Variants in SEL1L3 observed in about 807,000 individuals in gnomAD.
SEL1L3 encodes the protein protein sel-1 homolog 3.
Under a neutral mutation model 142.8 loss-of-function variants are expected in SEL1L3, and 76 were observed. That is an observed-to-expected ratio of 0.53 (90% CI 0.44 to 0.64). SEL1L3 has a LOEUF of 0.64. Among genes scored for constraint, SEL1L3 ranks in the 30% least tolerant of loss-of-function variants. The pLI, the probability that SEL1L3 is intolerant of heterozygous loss-of-function variation, is 0.00. For missense variants in SEL1L3, 1,262 were observed against 1,381.7 expected (o/e 0.91, Z 1.37); for synonymous variants, 504 against 519.6 (o/e 0.97, Z 0.41).
intron 1 of SEL1L3, among the ~76,000 whole-genome samples, chr4:25,850,857 G>GTT (rs530598915): frequency 2.1e-5 from 3 of 146,120 alleles, no homozygotes; most frequent in African/African-American, 2.5e-5. Flanking sequence ...TTGTTTGTTT[G>GTT]TTTTTTTTTT....
chr4:25,826,036 C>T (rs1488281718), intron 6 of SEL1L3, among the ~76,000 whole-genome samples: 2 of 152,136 alleles, frequency 1.3e-5, no homozygotes, highest in African/African-American at 4.8e-5. Context: ...TTTCCTAGCA[C>T]TCACCACGAT....
the SEL1L3 span, among the ~76,000 whole-genome samples, chr4:25,717,578 A>G: frequency 1.3e-5 from 2 of 152,172 alleles, no homozygotes; most frequent in Non-Finnish European, 2.9e-5. Context: ...AGGCAGGAGA[A>G]TCACTTGAAC....
the SEL1L3 span, among the ~76,000 whole-genome samples, chr4:25,740,822 GT>G: frequency 1.3e-5 from 2 of 151,962 alleles, no homozygotes; most frequent in Non-Finnish European, 2.9e-5. Context: ...GTCTTGCTCT[GT>G]TGCCAGGCTG....
chr4:25,801,030 C>T (rs116003019), intron 11 of SEL1L3, among the ~76,000 whole-genome samples: 3,187 of 152,332 alleles, frequency 0.021, 37 homozygotes, highest in South Asian at 0.033. Context: ...TCCCAGTCAG[C>T]CACGCAGCCT....
chr4:25,719,874 C>T, the SEL1L3 span: 1 of 151,698 alleles, frequency 6.6e-6, no homozygotes, highest in Non-Finnish European at 1.5e-5. Flanking sequence ...GATGCTAGAG[C>T]GAAATGTATA....
intron 17 of SEL1L3, among the ~76,000 whole-genome samples, chr4:25,770,739 C>CAAAAA (rs57317400): frequency 9.7e-4 from 94 of 96,584 alleles, no homozygotes; most frequent in East Asian, 1.8e-3. Flanking sequence ...GACTCTGTCT[C>CAAAAA]AAAAAAAAAA....
At chr4:25,780,766 TATAA>T (rs906674560) in intron 15 of SEL1L3, among the ~76,000 whole-genome samples, 8 of 146,474 alleles carry the variant, frequency 5.5e-5, no homozygotes, top group Non-Finnish European at 1.5e-5. Context: ...ATAAACTATA[TATAA>T]ATAAAAAATA....
intron 11 of SEL1L3, among the ~76,000 whole-genome samples, chr4:25,793,494 C>T (rs1339838193): frequency 6.6e-6 from 1 of 152,076 alleles, no homozygotes; most frequent in Non-Finnish European, 1.5e-5. Context: ...CCATGTTGCC[C>T]AGGCTGGTCT....
chr4:25,717,774 G>A, the SEL1L3 span, among the ~76,000 whole-genome samples: 1 of 152,182 alleles, frequency 6.6e-6, no homozygotes, highest in Non-Finnish European at 1.5e-5. Context: ...CTGTGACCCT[G>A]GGCAAGTCAC....
At chr4:25,828,212 C>T (rs911754362) in intron 6 of SEL1L3, among the ~76,000 whole-genome samples, 1 of 152,214 alleles carries the variant, frequency 6.6e-6, no homozygotes, top group Non-Finnish European at 1.5e-5. Context: ...AACTCTAATC[C>T]TTTAATCCAG....
At chr4:25,860,803 C>A (rs752312261) in intron 1 of SEL1L3, among the ~76,000 whole-genome samples, 1 of 152,226 alleles carries the variant, frequency 6.6e-6, no homozygotes, top group Non-Finnish European at 1.5e-5. Context: ...TTATTTTCCA[C>A]ATCACAGTAT....
chr4:25,781,097 A>C (rs1230605182), intron 15 of SEL1L3, among the ~76,000 whole-genome samples: 1 of 151,938 alleles, frequency 6.6e-6, no homozygotes, highest in Non-Finnish European at 1.5e-5. Context: ...TGCCTGCCTC[A>C]GCCTCCCAAA....
rs374222575 is a variant in SEL1L3, at chr4:25,835,189, A to G, written c.860+8T>C. On this transcript the variant is annotated splice_region_variant and intron_variant, in intron 3 of 23. Coordinates refer to ENST00000399878, the MANE Select transcript of SEL1L3 (RefSeq NM_015187.5). Reference sequence around the variant, plus strand: ...CCCGATCAGCTCCCTTCTGCTACCCATCCTTACACTGGGTAATCCATCCTC... The same window carrying G: ...CCCGATCAGCTCCCTTCTGCTACCCGTCCTTACACTGGGTAATCCATCCTC... 6.2e-6 allele frequency: 10 copies of G among 1,613,550 alleles called. No individual in the cohort carries two copies. In the African/African-American group the frequency reaches 1.3e-4, roughly 22 times the overall value.
chr4:25,719,270 G>A, the SEL1L3 span: 1 of 152,114 alleles, frequency 6.6e-6, no homozygotes, highest in Non-Finnish European at 1.5e-5. Flanking sequence ...TACAAGTAGA[G>A]GAAGGGATCC....
chr4:25,775,152 A>G (rs1246867456), intron 17 of SEL1L3, among the ~76,000 whole-genome samples: 1 of 152,248 alleles, frequency 6.6e-6, no homozygotes, highest in African/African-American at 2.4e-5. Context: ...AAGCATCACA[A>G]AAATTGTAAG....
At chr4:25,766,651 G>A (rs1163515071) in intron 19 of SEL1L3, among the ~76,000 whole-genome samples, 1 of 152,130 alleles carries the variant, frequency 6.6e-6, no homozygotes, top group Non-Finnish European at 1.5e-5. Context: ...ACCAGAGGGT[G>A]CCTGTGATGT....
chr4:25,735,740 G>A, the SEL1L3 span, among the ~76,000 whole-genome samples: 1 of 148,578 alleles, frequency 6.7e-6, no homozygotes, highest in South Asian at 2.1e-4. Flanking sequence ...CCCAGAGACA[G>A]TTCAGAATAT....
intron 1 of SEL1L3, among the ~76,000 whole-genome samples, chr4:25,849,292 G>C (rs907217311): frequency 6.0e-4 from 92 of 152,160 alleles, no homozygotes; most frequent in African/African-American, 2.1e-3. Flanking sequence ...GTCCATCCAT[G>C]GATGAATGGG....
At chr4:25,831,194 A>C (rs1715413874) in intron 5 of SEL1L3, among the ~76,000 whole-genome samples, 1 of 152,096 alleles carries the variant, frequency 6.6e-6, no homozygotes, top group African/African-American at 2.4e-5. Flanking sequence ...AAAATCTTCT[A>C]TGGTGCTTTG....
Sources: gnomAD v4.1 joint callset for allele counts (sites outside exome capture counted in the v4.1 genomes callset) on GRCh38, gnomAD v4.1.1 for gene constraint, MANE v1.5 for transcripts, NCBI Gene and HGNC (gene_info 2026-07-23, HGNC 2026-07-21) for gene names.